The following RHOBTB1 variants were observed in gnomAD, a reference collection of about 807,000 sequenced individuals.
RHOBTB1 encodes rho-related BTB domain-containing protein 1.
Under a neutral mutation model 71.6 loss-of-function variants are expected in RHOBTB1, and 40 were observed. The observed-to-expected ratio is 0.56, with a 90% CI of 0.43 to 0.73. The LOEUF (loss-of-function observed/expected upper bound fraction) is 0.73, where lower values mean the gene tolerates loss of function less well. RHOBTB1 is among the 30% of genes least tolerant of loss of function. The probability of loss-of-function intolerance (pLI) is 0.00; values close to 1 mark genes in which losing one functional copy is unlikely to be tolerated. For missense variants in RHOBTB1, 797 were observed against 894.0 expected (o/e 0.89, Z 1.38); for synonymous variants, 319 against 334.9 (o/e 0.95, Z 0.52).
chr10:60,914,145 A>G (rs1445587599), intron 2 of RHOBTB1, among the ~76,000 whole-genome samples: 1 of 152,166 alleles, frequency 6.6e-6, no homozygotes, highest in Non-Finnish European at 1.5e-5. Flanking sequence ...ATACAGAAAC[A>G]AGATGTGGTG....
intron 2 of RHOBTB1, among the ~76,000 whole-genome samples, chr10:60,920,292 A>C (rs1311890870): frequency 6.6e-6 from 1 of 152,176 alleles, no homozygotes; most frequent in African/African-American, 2.4e-5. Context: ...CAAATACATC[A>C]TCACAAATTT....
In RHOBTB1 at chr10:60,916,925, G is replaced by T. The variant is rs531740382; in HGVS notation, c.-10-5373C>A. On this transcript the variant is annotated intron_variant, in intron 2 of 10. Transcript: ENST00000337910. ...CAGAGTCAGAGAGAAATATGAAGTTGCTATACTGCTGGCTTTGAAGATGAA... is the reference window on the plus strand; with the variant it reads ...CAGAGTCAGAGAGAAATATGAAGTTTCTATACTGCTGGCTTTGAAGATGAA... Among the ~76,000 whole-genome samples, 26 of 152,298 alleles carry T rather than the reference G, an allele frequency of 1.7e-4. 1 individual carries two copies. The South Asian group carries it at 4.6e-3, about 27-fold the overall frequency.
At position 60,889,043 on chromosome 10, in the gene RHOBTB1, T is replaced by A; in HGVS notation, c.625A>T (p.Ile209Phe). Residue 209 changes from isoleucine (I) to phenylalanine (F), a missense_variant, in exon 6 of 11, where the codon ATT (isoleucine) becomes TTT (phenylalanine). By Grantham distance (21) the Ile-to-Phe change is conservative (BLOSUM62 0). Coordinates refer to ENST00000337910, the MANE Select transcript of RHOBTB1 (RefSeq NM_014836.5). ...CAGAATTGCAGGTGCCTGCGGGAAATCAGCGCTGCTCGGATTGCATTGTCA... is the reference window on the plus strand; with the variant it reads ...CAGAATTGCAGGTGCCTGCGGGAAAACAGCGCTGCTCGGATTGCATTGTCA... ...VFDNAIRAALISRRHLQFWKS... is the reference protein window; with the variant it reads ...VFDNAIRAALFSRRHLQFWKS... 6.2e-7 allele frequency: 1 copy of A among 1,614,112 alleles called. No homozygotes were observed.
chr10:60,880,811 G>A (rs1268559391), intron 7 of RHOBTB1, among the ~76,000 whole-genome samples: 1 of 152,176 alleles, frequency 6.6e-6, no homozygotes, highest in Non-Finnish European at 1.5e-5. Flanking sequence ...TACACTGCGT[G>A]TATGCTCGCA....
intron 2 of RHOBTB1, among the ~76,000 whole-genome samples, chr10:60,962,974 A>G (rs2085836155): frequency 1.3e-5 from 2 of 152,194 alleles, no homozygotes; most frequent in South Asian, 2.1e-4. Flanking sequence ...TGTTGTTAGG[A>G]CTGAAAATCT....
chr10:60,939,734 G>A (rs1024048047), intron 2 of RHOBTB1, among the ~76,000 whole-genome samples: 3 of 152,148 alleles, frequency 2.0e-5, no homozygotes, highest in African/African-American at 7.2e-5. Flanking sequence ...AAGACCAAGC[G>A]ACAGTTTTAA....
intron 2 of RHOBTB1, among the ~76,000 whole-genome samples, chr10:60,982,692 A>T (rs1347948937): frequency 6.6e-6 from 1 of 152,074 alleles, no homozygotes; most frequent in Non-Finnish European, 1.5e-5. Flanking sequence ...TTCCTTTATG[A>T]CTCTAAGAGG....
At chr10:60,955,037 T>TTCTC (rs2085538009) in intron 2 of RHOBTB1, among the ~76,000 whole-genome samples, 2 of 139,540 alleles carry the variant, frequency 1.4e-5, no homozygotes, top group Admixed American at 1.5e-4. Flanking sequence ...TTTCTTTTCT[T>TTCTC]TCTTTCTTTT....
chr10:60,912,051 T>C (rs1009862736), intron 2 of RHOBTB1, among the ~76,000 whole-genome samples: 1 of 152,174 alleles, frequency 6.6e-6, no homozygotes, highest in African/African-American at 2.4e-5. Flanking sequence ...GGTTCAAAAC[T>C]GTTATGGGGA....
intron 1 of RHOBTB1, among the ~76,000 whole-genome samples, chr10:60,942,971 G>C (rs1033527511): frequency 2.0e-5 from 3 of 152,084 alleles, no homozygotes; most frequent in African/African-American, 7.2e-5. Flanking sequence ...TCTGGCTGGA[G>C]TTCAACAAGG....
At chr10:60,901,496 G>T (rs1431934137) in intron 4 of RHOBTB1, among the ~76,000 whole-genome samples, 2 of 152,110 alleles carry the variant, frequency 1.3e-5, no homozygotes, top group African/African-American at 2.4e-5. Context: ...TTTCCTTTTG[G>T]ATTACCAGCT....
At chr10:60,977,043 G>T (rs577765544) in intron 2 of RHOBTB1, among the ~76,000 whole-genome samples, 2 of 152,076 alleles carry the variant, frequency 1.3e-5, no homozygotes, top group South Asian at 4.1e-4. Flanking sequence ...ATCTGTAAAT[G>T]AAGGAGAATT....
upstream of RHOBTB1, among the ~76,000 whole-genome samples, chr10:60,944,552 A>G (rs1295845458): frequency 6.6e-6 from 1 of 151,914 alleles, no homozygotes; most frequent in Admixed American, 6.6e-5. Context: ...AGTCTGGGCC[A>G]TCTGTGTCCC....
intron 2 of RHOBTB1, among the ~76,000 whole-genome samples, chr10:60,969,519 G>C (rs1186419973): frequency 6.6e-6 from 1 of 151,984 alleles, no homozygotes; most frequent in Non-Finnish European, 1.5e-5. Context: ...GGGCATCAAA[G>C]AGGAAGTCAA....
intron 2 of RHOBTB1, among the ~76,000 whole-genome samples, chr10:60,936,403 T>A (rs2084586147): frequency 6.6e-6 from 1 of 152,252 alleles, no homozygotes; most frequent in Admixed American, 6.5e-5. Flanking sequence ...CTTTATGTGA[T>A]TAAAATTTAT....
chr10:60,947,943 G>A (rs2085291413), upstream of RHOBTB1, among the ~76,000 whole-genome samples: 1 of 151,134 alleles, frequency 6.6e-6, no homozygotes, highest in Non-Finnish European at 1.5e-5. Context: ...AGTAATGTAT[G>A]AGAGATCTCC....
downstream of RHOBTB1, among the ~76,000 whole-genome samples, chr10:60,864,999 T>A (rs2080630643): frequency 1.3e-5 from 2 of 152,178 alleles, no homozygotes; most frequent in African/African-American, 4.8e-5. Context: ...CTTGACTACT[T>A]ATTTTAAAAG....
chr10:60,985,572 A>G (rs895739863), intron 2 of RHOBTB1, among the ~76,000 whole-genome samples: 3 of 152,244 alleles, frequency 2.0e-5, no homozygotes, highest in African/African-American at 7.2e-5. Flanking sequence ...TAAAGTGGAT[A>G]GAAGAGTTAT....
intron 10 of RHOBTB1, 156 bp from the exon 11 acceptor site, chr10:60,871,807 TGAGAG>T: frequency 1.5e-6 from 1 of 684,438 alleles, no homozygotes; most frequent in Non-Finnish European, 2.4e-6. Context: ...ACTAACGTTC[TGAGAG>T]GAAGAATCTC....
Sources: allele counts gnomAD v4.1 joint callset (sites outside exome capture counted in the v4.1 genomes callset), GRCh38; gene constraint gnomAD v4.1.1; transcripts MANE v1.5; gene names NCBI Gene and HGNC (gene_info 2026-07-23, HGNC 2026-07-21).